The following KHDRBS2 variants were observed in gnomAD, a reference collection of about 807,000 sequenced individuals.
KHDRBS2 encodes KH domain-containing, RNA-binding, signal transduction-associated protein 2.
A neutral mutation model predicts 44.3 loss-of-function variants in KHDRBS2; 26 were observed. The ratio of observed to expected loss-of-function variants is 0.59; its 90% CI spans 0.43 to 0.81. KHDRBS2 has a LOEUF of 0.81. Ranked by LOEUF, KHDRBS2 falls within the 40% of genes least tolerant of loss-of-function variation. The pLI, the probability that KHDRBS2 is intolerant of heterozygous loss-of-function variation, is 0.00. For synonymous variants in KHDRBS2, 194 were observed against 151.1 expected (o/e 1.28, Z -2.08); for missense variants, 476 against 433.1 (o/e 1.10, Z -0.88).
chr6:61,723,784 A>C (rs1022421863), intron 7 of KHDRBS2, among the ~76,000 whole-genome samples: 2 of 152,192 alleles, frequency 1.3e-5, no homozygotes, highest in African/African-American at 4.8e-5. Flanking sequence ...AAAAGAATGA[A>C]AAAGAATGAA....
chr6:61,817,635 A>G (rs568541561), intron 6 of KHDRBS2, among the ~76,000 whole-genome samples: 4 of 152,140 alleles, frequency 2.6e-5, no homozygotes, highest in African/African-American at 9.6e-5. Flanking sequence ...GTTTTTATGA[A>G]CCATTATGGC....
intron 6 of KHDRBS2, among the ~76,000 whole-genome samples, chr6:61,849,129 C>T (rs906616044): frequency 2.0e-5 from 3 of 152,054 alleles, no homozygotes; most frequent in Non-Finnish European, 4.4e-5. Context: ...CCTAGTGGAA[C>T]AGATAACCAC....
chr6:61,863,995 G>T (rs1249809948), intron 6 of KHDRBS2, among the ~76,000 whole-genome samples: 1 of 152,116 alleles, frequency 6.6e-6, no homozygotes, highest in Non-Finnish European at 1.5e-5. Context: ...ATATATTTAA[G>T]ATAGTTAGGT....
At chr6:61,937,252 G>A (rs1048205334) in intron 4 of KHDRBS2, among the ~76,000 whole-genome samples, 6 of 151,756 alleles carry the variant, frequency 4.0e-5, no homozygotes, top group Non-Finnish European at 7.4e-5. Context: ...TTACATTTGG[G>A]TTTTCTGCAA....
intron 1 of KHDRBS2, among the ~76,000 whole-genome samples, chr6:62,281,575 G>A (rs1029227372): frequency 4.6e-5 from 7 of 152,100 alleles, no homozygotes; most frequent in South Asian, 2.1e-4. Flanking sequence ...AGCCAAAATC[G>A]CACCACTTCA....
chr6:62,059,975 T>C (rs1256442003), intron 2 of KHDRBS2, among the ~76,000 whole-genome samples: 2 of 151,850 alleles, frequency 1.3e-5, no homozygotes, highest in African/African-American at 4.8e-5. Context: ...AAGTCTAGAA[T>C]TCTACAGGAA....
chr6:61,618,640 T>C, the KHDRBS2 span, among the ~76,000 whole-genome samples: 1 of 152,192 alleles, frequency 6.6e-6, no homozygotes, highest in African/African-American at 2.4e-5. Flanking sequence ...CACACTCTGA[T>C]AGGCCCCGTT....
At chr6:62,088,760 A>T (rs1798906240) in intron 2 of KHDRBS2, among the ~76,000 whole-genome samples, 1 of 152,106 alleles carries the variant, frequency 6.6e-6, no homozygotes, top group African/African-American at 2.4e-5. Context: ...GTGCTTGGAG[A>T]TCCACTCTCT....
intron 6 of KHDRBS2, among the ~76,000 whole-genome samples, chr6:61,796,392 A>G (rs1785355407): frequency 6.6e-6 from 1 of 151,980 alleles, no homozygotes; most frequent in Non-Finnish European, 1.5e-5. Flanking sequence ...AGCATTCAAC[A>G]TATATCTTTC....
chr6:61,744,985 A>T (rs1183242638), intron 6 of KHDRBS2, among the ~76,000 whole-genome samples: 1 of 152,180 alleles, frequency 6.6e-6, no homozygotes, highest in Non-Finnish European at 1.5e-5. Flanking sequence ...TAGTTTTACA[A>T]GTTTCAAAGC....
At chr6:61,667,211 A>G in the KHDRBS2 span, among the ~76,000 whole-genome samples, 1 of 150,390 alleles carries the variant, frequency 6.6e-6, no homozygotes, top group Admixed American at 6.7e-5. Context: ...GTTAATTTTT[A>G]TCTAGTGGTA....
In KHDRBS2 at chr6:61,848,463, G is replaced by T. The variant is rs576955285; in HGVS notation, c.810+46172C>A. Among the ~76,000 whole-genome samples, 4 of 109,118 alleles carry T rather than the reference G, an allele frequency of 3.7e-5. No homozygotes were observed. The South Asian group carries it at 1.2e-3, about 32-fold the overall frequency. The allele number at this position is 109,118 out of a possible 152,430, so 71.6% of individuals were successfully genotyped here. ...TCCAAAGGTTATATTGAGAGAAATG[G>T]AGGTTTTATATATATATATATATAT... On this transcript the variant is annotated intron_variant, in intron 6 of 8. Transcript: ENST00000281156.
At chr6:61,941,395 C>G (rs572115800) in intron 4 of KHDRBS2, among the ~76,000 whole-genome samples, 2 of 152,086 alleles carry the variant, frequency 1.3e-5, no homozygotes, top group Admixed American at 6.5e-5. Flanking sequence ...AACCTGCCCA[C>G]CCACCCGCTA....
At chr6:61,954,797 T>C (rs1345169122) in intron 4 of KHDRBS2, among the ~76,000 whole-genome samples, 1,358 of 89,502 alleles carry the variant, frequency 0.015, 170 homozygotes, top group African/African-American at 0.025. Flanking sequence ...CACATGCATA[T>C]GTATGTATAC....
intron 6 of KHDRBS2, among the ~76,000 whole-genome samples, chr6:61,868,090 G>A (rs1026035576): frequency 3.3e-5 from 5 of 151,284 alleles, no homozygotes; most frequent in East Asian, 2.0e-4. Flanking sequence ...AGCCCACCCC[G>A]ACCCCCAAGC....
At chr6:61,567,246 C>A in the KHDRBS2 span, among the ~76,000 whole-genome samples, 1 of 152,084 alleles carries the variant, frequency 6.6e-6, no homozygotes, top group Non-Finnish European at 1.5e-5. Context: ...TTTACAGCTG[C>A]AAGTTTTCTA....
At chr6:61,574,317 G>T in the KHDRBS2 span, 3 of 1,525,316 alleles carry the variant, frequency 2.0e-6, no homozygotes, top group African/African-American at 4.1e-5. Context: ...CTTAAATAGG[G>T]ACTTGTATGA....
Position 62,116,825 on chromosome 6 carries a change from A to G in KHDRBS2, c.219+60360T>C, listed in dbSNP as rs542972643. Among the ~76,000 whole-genome samples, 132 of 152,114 alleles carry G rather than the reference A, an allele frequency of 8.7e-4. 1 individual carries two copies. The highest frequency in any genetic ancestry group is 2.0e-3 in the Admixed American group (31 of 15,254). Reference sequence around the variant, plus strand: ...TCTACTCCCTATGTCTGTGAGATCAATATTTTTTGGCTCATGCATATGAGG... The same window carrying G: ...TCTACTCCCTATGTCTGTGAGATCAGTATTTTTTGGCTCATGCATATGAGG... On this transcript the variant is annotated intron_variant, in intron 2 of 8. Coordinates refer to ENST00000281156, the MANE Select transcript of KHDRBS2 (RefSeq NM_152688.4).
chr6:61,595,112 T>C, the KHDRBS2 span, among the ~76,000 whole-genome samples: 1 of 152,176 alleles, frequency 6.6e-6, no homozygotes, highest in Non-Finnish European at 1.5e-5. Flanking sequence ...TTCTTTTTAA[T>C]ACTATATAAA....
Sources: gnomAD v4.1 joint callset for allele counts (sites outside exome capture counted in the v4.1 genomes callset) on GRCh38, gnomAD v4.1.1 for gene constraint, MANE v1.5 for transcripts, NCBI Gene and HGNC (gene_info 2026-07-23, HGNC 2026-07-21) for gene names.